KCNH1: variants seen among roughly 807,000 people sequenced by gnomAD.
KCNH1 encodes the protein voltage-gated delayed rectifier potassium channel KCNH1.
In KCNH1, 27 loss-of-function variants were observed where a neutral mutation model predicts 69.2. The observed-to-expected ratio is 0.39, with a 90% CI of 0.29 to 0.54. The LOEUF (loss-of-function observed/expected upper bound fraction) is 0.54, where lower values mean the gene tolerates loss of function less well. KCNH1 is among the 20% of genes least tolerant of loss of function. The probability of loss-of-function intolerance (pLI) is 0.68; values close to 1 mark genes in which losing one functional copy is unlikely to be tolerated. For synonymous variants in KCNH1, 456 were observed against 487.7 expected, an observed-to-expected ratio of 0.93 and a Z score of 0.86; for missense variants, 798 against 1,261.6, an observed-to-expected ratio of 0.63 and a Z score of 5.57.
At chr1:210,984,554 C>A (rs1327271703) in intron 6 of KCNH1, among the ~76,000 whole-genome samples, 1 of 152,154 alleles carries the variant, frequency 6.6e-6, no homozygotes, top group South Asian at 2.1e-4. Context: ...GTCACTGGTT[C>A]TGTTTATATG....
At chr1:210,861,634 A>G in intron 7 of KCNH1, 1 of 770,814 alleles carries the variant, frequency 1.3e-6, no homozygotes, top group Non-Finnish European at 2.4e-6. Context: ...TATATACTGA[A>G]CAAGAGCATA....
At chr1:211,103,396 G>A in intron 3 of KCNH1, 100 bp downstream of exon 3, 1 of 689,620 alleles carries the variant, frequency 1.5e-6, no homozygotes, top group South Asian at 1.9e-5. Flanking sequence ...GCATTTAGCT[G>A]GTGGGAGAGA....
intron 6 of KCNH1, among the ~76,000 whole-genome samples, chr1:210,971,915 T>C (rs1183537160): frequency 6.6e-6 from 1 of 152,134 alleles, no homozygotes; most frequent in Non-Finnish European, 1.5e-5. Context: ...AGTGTGCATA[T>C]AATCCATTAT....
At chr1:210,879,558 T>C (rs1319166281) in intron 7 of KCNH1, among the ~76,000 whole-genome samples, 1 of 152,006 alleles carries the variant, frequency 6.6e-6, no homozygotes, top group Admixed American at 6.6e-5. Flanking sequence ...AATCCAATAC[T>C]TATTTCTGAT....
intron 3 of KCNH1, among the ~76,000 whole-genome samples, chr1:211,094,809 T>G (rs558938955): frequency 6.6e-6 from 1 of 152,340 alleles, no homozygotes; most frequent in Non-Finnish European, 1.5e-5. Context: ...TTTCTGGAAT[T>G]CTTTCAGAAG....
At chr1:210,855,997 T>C (rs755516776) in intron 7 of KCNH1, among the ~76,000 whole-genome samples, 9 of 152,222 alleles carry the variant, frequency 5.9e-5, no homozygotes, top group Non-Finnish European at 1.3e-4. Flanking sequence ...GCAGGCATTC[T>C]GGAGTCATCT....
chr1:210,759,711 AG>A lies in KCNH1; in HGVS notation c.2112+15636del, dbSNP rs558968876. Among the ~76,000 whole-genome samples, 318 of 152,376 alleles carry A rather than the reference AG, an allele frequency of 2.1e-3. 1 individual carries two copies. The highest frequency in any genetic ancestry group is 7.4e-3 in the African/African-American group (307 of 41,596). Reference sequence around the variant, plus strand: ...AATGTAACCAAATACATGACTTATTAGCATTCTCAAGAGAGAAGAGATAGTA... The same window carrying A: ...AATGTAACCAAATACATGACTTATTACATTCTCAAGAGAGAAGAGATAGTA... On this transcript the variant is annotated intron_variant, in intron 10 of 10. Coordinates refer to ENST00000271751, the MANE Select transcript of KCNH1 (RefSeq NM_172362.3).
At chr1:210,951,075 A>T (rs142501985) in intron 6 of KCNH1, among the ~76,000 whole-genome samples, 2 of 152,328 alleles carry the variant, frequency 1.3e-5, no homozygotes, top group Non-Finnish European at 2.9e-5. Flanking sequence ...GTCGGAGAGA[A>T]GGGGAGTATT....
intron 5 of KCNH1, among the ~76,000 whole-genome samples, chr1:211,025,536 T>C (rs1689668210): frequency 6.6e-6 from 1 of 152,074 alleles, no homozygotes; most frequent in South Asian, 2.1e-4. Context: ...CTTTAAGAAT[T>C]GTTGGGAAAA....
intron 10 of KCNH1, among the ~76,000 whole-genome samples, chr1:210,739,735 T>A (rs1036815529): frequency 6.6e-6 from 1 of 152,220 alleles, no homozygotes; most frequent in African/African-American, 2.4e-5. Context: ...CATAGGGTCT[T>A]AGCTAAACTG....
chr1:210,848,227 A>G (rs550848022), intron 7 of KCNH1, among the ~76,000 whole-genome samples: 47 of 152,352 alleles, frequency 3.1e-4, no homozygotes, highest in Admixed American at 5.9e-4. Flanking sequence ...ATGTTATTCA[A>G]CATACCATAT....
chr1:210,848,084 A>C (rs530304933), intron 7 of KCNH1, among the ~76,000 whole-genome samples: 5 of 152,332 alleles, frequency 3.3e-5, no homozygotes, highest in African/African-American at 1.2e-4. Context: ...AGACTGTCAA[A>C]GAGAGTTATA....
At chr1:210,795,851 G>A (rs895549091) in intron 9 of KCNH1, among the ~76,000 whole-genome samples, 2 of 152,026 alleles carry the variant, frequency 1.3e-5, no homozygotes, top group Non-Finnish European at 2.9e-5. Context: ...GGCTGGGTGT[G>A]GTGGCTCATG....
chr1:210,766,630 A>G (rs1683640242), intron 10 of KCNH1, among the ~76,000 whole-genome samples: 2 of 152,232 alleles, frequency 1.3e-5, no homozygotes, highest in African/African-American at 4.8e-5. Flanking sequence ...GAGAAGATAT[A>G]TGGAGTCAGG....
chr1:211,067,211 C>T (rs1419201729), intron 5 of KCNH1, among the ~76,000 whole-genome samples: 4 of 152,208 alleles, frequency 2.6e-5, no homozygotes, highest in African/African-American at 9.7e-5. Context: ...GACTTTCCTC[C>T]TTATAAGGGC....
chr1:210,989,527 G>A (rs1363935096), intron 6 of KCNH1, among the ~76,000 whole-genome samples: 1 of 152,206 alleles, frequency 6.6e-6, no homozygotes, highest in Non-Finnish European at 1.5e-5. Context: ...AAAATAGGGA[G>A]TCTAAAGAGC....
chr1:210,997,613 C>A (rs1195869730), intron 6 of KCNH1, among the ~76,000 whole-genome samples: 1 of 152,114 alleles, frequency 6.6e-6, no homozygotes, highest in Non-Finnish European at 1.5e-5. Flanking sequence ...GGAGAACTTC[C>A]CCAATTTAGC....
chr1:211,082,103 C>T (rs949762725), intron 5 of KCNH1, among the ~76,000 whole-genome samples: 1 of 152,052 alleles, frequency 6.6e-6, no homozygotes, highest in African/African-American at 2.4e-5. Flanking sequence ...CTCTTACTTG[C>T]CCCAGCAAAA....
At position 210,684,067 on chromosome 1, in the gene KCNH1, G is replaced by T; in HGVS notation, c.2184C>A (p.Pro728=). 6.6e-7 allele frequency: 1 copy of T among 1,525,628 alleles called. No homozygotes were observed. Among genetic ancestry groups the T allele is most frequent in the Non-Finnish European group, 8.8e-7 (1 of 1,136,824 alleles). 94.5% of individuals were successfully genotyped at this position (1,525,628 alleles called of 1,614,324 possible). A position where few individuals can be genotyped will look rare whatever the true frequency, so the allele number is the denominator to read the frequency against. ...CAGGGTGGTCCGGGGGCAAGATCAG[G>T]GGGGCCTCATTCTTTCGTTTCATGC... The part of the protein sequence containing the change: ...EERMKRKNEA[P]LILPPDHPVR... Residue 728 remains proline, a synonymous_variant, in exon 11 of 11, where the codon CCC becomes CCA. Transcript: ENST00000271751.
Sources: gnomAD v4.1 joint callset for allele counts (sites outside exome capture counted in the v4.1 genomes callset) on GRCh38, gnomAD v4.1.1 for gene constraint, MANE v1.5 for transcripts, NCBI Gene and HGNC (gene_info 2026-07-23, HGNC 2026-07-21) for gene names.